The following ABCB9 variants were observed in gnomAD, a reference collection of about 807,000 sequenced individuals.
ABCB9 encodes ATP binding cassette subfamily B member 9, also known as ABC-type oligopeptide transporter ABCB9.
In ABCB9, 36 loss-of-function variants were observed where a neutral mutation model predicts 62.0. That is an observed-to-expected ratio of 0.58 (90% CI 0.45 to 0.77). ABCB9 has a LOEUF of 0.77. ABCB9 is among the 30% of genes least tolerant of loss of function. The pLI, the probability that ABCB9 is intolerant of heterozygous loss-of-function variation, is 0.00. For missense variants in ABCB9, 943 were observed against 1,054.7 expected, an observed-to-expected ratio of 0.89 and a Z score of 1.47; for synonymous variants, 435 against 461.4, an observed-to-expected ratio of 0.94 and a Z score of 0.73.
At position 122,964,951 on chromosome 12, in the gene ABCB9, A is replaced by G. The variant is rs375303103; in HGVS notation, c.-88+1336T>C. On this transcript the variant is annotated intron_variant, in intron 1 of 11. Coordinates refer to ENST00000280560, the MANE Select transcript of ABCB9 (RefSeq NM_019625.4). The surrounding 1 kb of genome is among the most constrained non-coding windows in gnomAD (Gnocchi z 4.7). ...GGCATCAGCTGCAGAGAAGGCCAGA[A>G]GACGATAGATAGCAGTTATTATGAC... 5.9e-5 allele frequency among the ~76,000 whole-genome samples: 9 copies of G among 152,348 alleles called. No homozygotes were observed. The East Asian group carries it at 1.7e-3, about 29-fold the overall frequency.
At chr12:122,950,376 A>T in intron 3 of ABCB9, 75 bp downstream of exon 3, 1 of 1,391,934 alleles carries the variant, frequency 7.2e-7, no homozygotes, top group Non-Finnish European at 9.8e-7. Context: ...TGTCTTCCTT[A>T]GGAACAGGCC....
At chr12:122,952,802 C>T (rs2036428231) in intron 2 of ABCB9, 1 of 152,280 alleles carries the variant, frequency 6.6e-6, no homozygotes, top group African/African-American at 2.4e-5. Flanking sequence ...ATACTCAGAC[C>T]ATTTCCAGAA....
downstream of ABCB9, chr12:122,920,854 A>G (rs571559418): frequency 3.6e-5 from 21 of 580,024 alleles, no homozygotes; most frequent in South Asian, 4.6e-4. Flanking sequence ...CAGATGTTGC[A>G]GTGAGGTGAG....
At position 122,932,176 on chromosome 12, in the gene ABCB9, C is replaced by A; in HGVS notation, c.2040+16G>T. 6.4e-7 allele frequency: 1 copy of A among 1,551,752 alleles called. No homozygotes were observed. Among genetic ancestry groups the A allele is most frequent in the Non-Finnish European group, 8.7e-7 (1 of 1,147,462 alleles). On this transcript the variant is annotated intron_variant, in intron 11 of 11. Transcript: ENST00000280560. The surrounding 1 kb of genome is among the most constrained non-coding windows in gnomAD (Gnocchi z 4.7). ...GCCGCTCCTGCCCCCGCATTGCCCA[C>A]CACCCTGTGACTCACCAGATACTCG... is the stretch of plus-strand genomic sequence containing the variant.
At position 122,948,683 on chromosome 12, in the gene ABCB9, T is replaced by C; in HGVS notation, c.994A>G (p.Thr332Ala). The stretch of plus-strand genomic sequence containing the variant: ...ATGATGATGGGGAAGCCCATGAAGG[T>C]GACCAAGGAGAGCTGCCATGAGAGG... Reference protein sequence around the residue: ...FSLSWQLSLVTFMGFPIIMMV... With the variant: ...FSLSWQLSLVAFMGFPIIMMV... Residue 332 changes from threonine to alanine, a missense_variant, in exon 5 of 12, where the codon ACC (threonine) becomes GCC (alanine). By Grantham distance (58) the Thr-to-Ala change is moderately conservative. Transcript: ENST00000280560. The C allele has an allele frequency of 3.7e-6, 6 of 1,613,944 alleles. No individual in the cohort carries two copies. The highest frequency in any genetic ancestry group is 5.1e-6 in the Non-Finnish European group (6 of 1,179,906).
chr12:122,919,881 G>GTTTATTTATTTA (rs200114805), downstream of ABCB9, among the ~76,000 whole-genome samples: 18 of 138,896 alleles, frequency 1.3e-4, no homozygotes, highest in South Asian at 4.6e-4. Context: ...CTGTTTGTTT[G>GTTTATTTATTTA]TTTATTTATT....
intron 11 of ABCB9, among the ~76,000 whole-genome samples, chr12:122,921,195 G>A (rs138521682): frequency 3.0e-4 from 46 of 151,018 alleles, no homozygotes; most frequent in Admixed American, 1.1e-3. Flanking sequence ...CAGAAGGATC[G>A]CTTGAAACTA....
Position 122,973,596 on chromosome 12 carries a change from A to C in ABCB9, c.-88+1119T>G, listed in dbSNP as rs1308624199. 8.3e-4 allele frequency among the ~76,000 whole-genome samples: 119 copies of C among 143,602 alleles called. 1 individual carries two copies. Among genetic ancestry groups the C allele is most frequent in the African/African-American group, 1.7e-3 (67 of 38,532 alleles). The allele number at this position is 143,602 out of a possible 152,430, so 94.2% of individuals were successfully genotyped here. Reference sequence around the variant, plus strand: ...AAAAAAAGAAAAAAAAAAAAAAAAAAAAAAAAAAAAAAACAAAAACTTTGG... The same window carrying C: ...AAAAAAAGAAAAAAAAAAAAAAAAACAAAAAAAAAAAAACAAAAACTTTGG... On this transcript the variant is annotated intron_variant, in intron 1 of 11. Transcript: ENST00000392439.
Position 122,944,323 on chromosome 12 carries a change from C to T in ABCB9, c.1380+68G>A. 1 of 1,498,782 alleles carries T rather than the reference C, an allele frequency of 6.7e-7. No individual in the cohort carries two copies. The highest frequency in any genetic ancestry group is 2.4e-5 in the East Asian group (1 of 42,292). The allele number at this position is 1,498,782 out of a possible 1,614,324, so 92.8% of individuals were successfully genotyped here. ...AGAGTCCCTGGAGCCCCGCCCCCAC[C>T]CTGTTAAGATCCCTCTTCCCCAAAC... On this transcript the variant is annotated intron_variant, in intron 7 of 11. Transcript: ENST00000280560. This position sits in a 1 kb window ranked among gnomAD's most constrained non-coding sequence, Gnocchi z 4.9.
At chr12:122,935,132 A>G in intron 10 of ABCB9, 140 bp downstream of exon 10, 1 of 1,049,432 alleles carries the variant, frequency 9.5e-7, no homozygotes, top group Non-Finnish European at 1.3e-6. Context: ...AGGAGGTTCG[A>G]GTCTGGCCAG....
chr12:122,927,221 G>A (rs2034930533), downstream of ABCB9, among the ~76,000 whole-genome samples: 1 of 152,044 alleles, frequency 6.6e-6, no homozygotes, highest in South Asian at 2.1e-4. Flanking sequence ...ACCCAGGCTG[G>A]AGTGCAGTGA....
At position 122,935,290 on chromosome 12, in the gene ABCB9, G is replaced by A. The variant is rs2035402076; in HGVS notation, c.1885C>T (p.Gln629Ter). The A allele has an allele frequency of 6.2e-7, 1 of 1,611,534 alleles. No homozygotes were observed. The highest frequency in any genetic ancestry group is 8.5e-7 in the Non-Finnish European group (1 of 1,178,792). ...ANAHGFIMEL[Q>*]DGYSTETGEK... ...TCCACACCTGTGCTGTAGCCGTCCTGGAGTTCCATGATGAAGCCGTGGGCA... is the reference window on the plus strand; with the variant it reads ...TCCACACCTGTGCTGTAGCCGTCCTAGAGTTCCATGATGAAGCCGTGGGCA... Residue 629 changes from glutamine (Q) to a stop codon, truncating the protein, a stop_gained, in exon 10 of 12, where the codon CAG (glutamine) becomes TAG (stop). Coordinates refer to ENST00000280560, the MANE Select transcript of ABCB9 (RefSeq NM_019625.4). LOFTEE classifies it high-confidence loss of function.
At chr12:122,955,950 G>C (rs2036594599) in intron 2 of ABCB9, among the ~76,000 whole-genome samples, 1 of 152,168 alleles carries the variant, frequency 6.6e-6, no homozygotes, top group Admixed American at 6.5e-5. Context: ...AACCTCAGGT[G>C]ATCTGCAGGC....
At position 122,929,208 on chromosome 12, in the gene ABCB9, C is replaced by T. The variant is rs1378458800; in HGVS notation, c.*703G>A. On this transcript the variant is annotated 3_prime_UTR_variant, in exon 12 of 12. Transcript: ENST00000280560. The surrounding 1 kb of genome is among the most constrained non-coding windows in gnomAD (Gnocchi z 6.0). ...GGGGTGGGTGGACGAGGGGCGAAAG[C>T]GCTGGGTGCCGGGCTGGGGGCACCC... 41 of 986,034 alleles carry T rather than the reference C, an allele frequency of 4.2e-5. No individual in the cohort carries two copies. The highest frequency in any genetic ancestry group is 8.7e-5 in the African/African-American group (5 of 57,224). The allele number at this position is 986,034 out of a possible 1,614,324, so 61.1% of individuals were successfully genotyped here.
chr12:122,952,437 AG>A (rs1566184451), intron 2 of ABCB9: 1 of 152,244 alleles, frequency 6.6e-6, no homozygotes, highest in Non-Finnish European at 1.5e-5. Context: ...TGGCTAGCAC[AG>A]TCTGGCCTGG....
At chr12:122,925,727 G>A (rs573692777), downstream of ABCB9, among the ~76,000 whole-genome samples, 18 of 152,298 alleles carry the variant, frequency 1.2e-4, no homozygotes, top group African/African-American at 3.4e-4. Context: ...CAACCTGGGC[G>A]ACAGAGCGAG....
chr12:122,949,698 C>A, intron 4 of ABCB9, 90 bp downstream of exon 4: 1 of 1,528,854 alleles, frequency 6.5e-7, no homozygotes, highest in South Asian at 1.1e-5. Context: ...GCTGAGACCA[C>A]CCACACGCCC....
In ABCB9 at chr12:122,932,640, C is replaced by T. The variant is rs2035242643; in HGVS notation, c.1904-312G>A. Among the ~76,000 whole-genome samples, 1 of 152,176 alleles carries T rather than the reference C, an allele frequency of 6.6e-6. No individual in the cohort carries two copies. Among genetic ancestry groups the T allele is most frequent in the African/African-American group, 2.4e-5 (1 of 41,442 alleles). The stretch of plus-strand genomic sequence containing the variant: ...TCCTCCTGGAGAAGGGGAGTTGGAG[C>T]GAGCCCCATGGCTTGAAGAGCTGCA... On this transcript the variant is annotated intron_variant, in intron 10 of 11. Transcript: ENST00000280560. This position sits in a 1 kb window ranked among gnomAD's most constrained non-coding sequence, Gnocchi z 4.7.
At position 122,947,495 on chromosome 12, in the gene ABCB9, G is replaced by A. The variant is rs990061744; in HGVS notation, c.1053+1129C>T. ...ACTTACCCGGCACCACCTGGAGGCC[G>A]TCATGCATCCAAGCCCCTGCTCTAG... On this transcript the variant is annotated intron_variant, in intron 5 of 11. Transcript: ENST00000280560. This position sits in a 1 kb window ranked among gnomAD's most constrained non-coding sequence, Gnocchi z 6.0. 9 of 454,570 alleles carry A rather than the reference G, an allele frequency of 2.0e-5. No homozygotes were observed. Among genetic ancestry groups the A allele is most frequent in the Middle Eastern group, 3.2e-4 (1 of 3,078 alleles). The allele number at this position is 454,570 out of a possible 1,614,324, so 28.2% of individuals were successfully genotyped here.
Sources: allele counts gnomAD v4.1 joint callset (sites outside exome capture counted in the v4.1 genomes callset), GRCh38; gene constraint gnomAD v4.1.1; non-coding constraint Gnocchi (gnomAD v3.1); transcripts MANE v1.5; gene names NCBI Gene and HGNC (gene_info 2026-07-23, HGNC 2026-07-21).